Variants in STMND1 observed in about 807,000 individuals in gnomAD.
The protein encoded by STMND1 is stathmin domain-containing protein 1.
A neutral mutation model predicts 23.0 loss-of-function variants in STMND1; 17 were observed. The ratio of observed to expected loss-of-function variants is 0.74; its 90% confidence interval spans 0.51 to 1.11. The LOEUF is 1.11. Ranked by LOEUF, STMND1 falls within the 50% of genes least tolerant of loss-of-function variation. STMND1 has a pLI of 0.00. For missense variants in STMND1, 305 were observed against 329.1 expected (o/e 0.93, Z 0.57); for synonymous variants, 114 against 119.9 (o/e 0.95, Z 0.32).
At chr6:17,126,064 ATATATATTTTTTTTTT>A (rs1288035353) in intron 3 of STMND1, among the ~76,000 whole-genome samples, 8 of 23,714 alleles carry the variant, frequency 3.4e-4, no homozygotes, top group South Asian at 2.8e-3. Context: ...ATATATATAT[ATATATATTTTTTTTTT>A]TTTTTTTTTT....
intron 1 of STMND1, among the ~76,000 whole-genome samples, chr6:17,114,521 C>A (rs1057264986): frequency 7.9e-5 from 12 of 152,212 alleles, no homozygotes; most frequent in African/African-American, 2.9e-4. Context: ...CCGCCTCAGC[C>A]TCCCAAAGTG....
chr6:17,121,713 A>G (rs1344873459), intron 3 of STMND1, among the ~76,000 whole-genome samples: 1 of 152,188 alleles, frequency 6.6e-6, no homozygotes, highest in African/African-American at 2.4e-5. Context: ...CCCAAAATCA[A>G]ACATGAGGAA....
Position 17,130,682 on chromosome 6 carries a change from C to T in STMND1, c.632C>T (p.Ala211Val), listed in dbSNP as rs1761379256. Residue 211 changes from alanine (A) to valine (V), a missense_variant, in exon 5 of 5, where the codon GCC becomes GTC. Physicochemically the swap from Ala to Val is moderately conservative, Grantham distance 64. Transcript: ENST00000536551. ...TCAGATTCAGCTGAATTAGATGGGG[C>T]CGAGGTTGCATTTGCCAAAGGACTT... ...NHSDSAELDG[A>V]EVAFAKGLQR... 1.3e-6 allele frequency: 2 copies of T among 1,535,862 alleles called. No homozygotes were observed. Among genetic ancestry groups the T allele is most frequent in the African/African-American group, 2.7e-5 (2 of 72,998 alleles).
intron 3 of STMND1, among the ~76,000 whole-genome samples, chr6:17,126,038 A>T (rs868540985): frequency 1.7e-3 from 39 of 22,822 alleles, no homozygotes; most frequent in African/African-American, 1.0e-2. Context: ...ATTGTTTTAT[A>T]TATATATATA....
chr6:17,125,454 A>C (rs1464803079), intron 3 of STMND1, among the ~76,000 whole-genome samples: 2 of 152,158 alleles, frequency 1.3e-5, no homozygotes, highest in Non-Finnish European at 2.9e-5. Context: ...GGGTCTCCCT[A>C]CCTGAGGCTC....
At position 17,115,119 on chromosome 6, in the gene STMND1, G is replaced by T. The variant is rs751437630; in HGVS notation, c.239G>T (p.Arg80Ile). 3 of 1,534,816 alleles carry T rather than the reference G, an allele frequency of 2.0e-6. No individual in the cohort carries two copies. The African/African-American group carries it at 4.1e-5, about 21-fold the overall frequency. Residue 80 changes from arginine (R) to isoleucine (I), a missense_variant, in exon 2 of 5, where the codon AGA becomes ATA. Arg to Ile is a moderately conservative substitution (Grantham distance 97, BLOSUM62 -3). Transcript: ENST00000536551. ...GAAAATTCTCCATCTCCTAGTGAAA[G>T]AAACAGACGAGTAAATTCAGGTAAC... ...ISENSPSPSE[R>I]NRRVNSDLVT...
At chr6:17,103,611 A>T (rs1760974489) in intron 1 of STMND1, among the ~76,000 whole-genome samples, 1 of 116,604 alleles carries the variant, frequency 8.6e-6, no homozygotes, top group East Asian at 2.6e-4. Context: ...TTGCTCTGTC[A>T]CCCAGGCTGG....
intron 2 of STMND1, among the ~76,000 whole-genome samples, chr6:17,118,682 C>T: frequency 6.6e-6 from 1 of 152,124 alleles, no homozygotes. Context: ...CTTTTAGAAA[C>T]ATCCTGGGAG....
chr6:17,120,009 A>C (rs12203596), intron 2 of STMND1, among the ~76,000 whole-genome samples: 45,948 of 152,148 alleles, frequency 0.3, 7,141 homozygotes, highest in Middle Eastern at 0.34. Context: ...AAACTGTTTC[A>C]GTGCTCATTT....
chr6:17,106,737 G>A (rs954320432), intron 1 of STMND1, among the ~76,000 whole-genome samples: 7 of 152,076 alleles, frequency 4.6e-5, no homozygotes, highest in Non-Finnish European at 8.8e-5. Context: ...AAATGAACGT[G>A]TTTGCTTGCA....
Position 17,102,301 on chromosome 6 carries a change from T to A in STMND1, c.44T>A (p.Val15Glu). 6.5e-7 allele frequency: 1 copy of A among 1,535,990 alleles called. No individual in the cohort carries two copies. The highest frequency in any genetic ancestry group is 2.4e-5 in the East Asian group (1 of 40,884). ...PSQPAEDRRR[V>E]RAPKKGWKEE... ...CAACCTGCTGAAGACCGGAGACGTG[T>A]ACGCGCGCCCAAGAAGGGCTGGAAA... Residue 15 changes from valine to glutamate, a missense_variant, in exon 1 of 5, where the codon GTA becomes GAA. Coordinates refer to ENST00000536551, the MANE Select transcript of STMND1 (RefSeq NM_001190766.2).
At chr6:17,102,823 C>A (rs1342561271) in intron 1 of STMND1, among the ~76,000 whole-genome samples, 2 of 152,128 alleles carry the variant, frequency 1.3e-5, no homozygotes, top group East Asian at 3.9e-4. Flanking sequence ...TATCTGGTTG[C>A]GTCCTCTCGA....
intron 3 of STMND1, among the ~76,000 whole-genome samples, chr6:17,122,787 C>T (rs975791757): frequency 1.1e-4 from 17 of 151,936 alleles, no homozygotes; most frequent in African/African-American, 4.1e-4. Context: ...ATAATGCCAA[C>T]ATAATGACAA....
chr6:17,112,573 T>C (rs1761108253), intron 1 of STMND1, among the ~76,000 whole-genome samples: 2 of 151,898 alleles, frequency 1.3e-5, no homozygotes, highest in Non-Finnish European at 2.9e-5. Flanking sequence ...GTCAGCAGAT[T>C]GAGACCATCC....
intron 4 of STMND1, 74 bp from the exon 5 acceptor site, chr6:17,130,520 A>G: frequency 1.7e-6 from 2 of 1,157,620 alleles, no homozygotes; most frequent in Non-Finnish European, 2.4e-6. Context: ...ATGAATGTTC[A>G]ATACAAGCAA....
At chr6:17,111,162 G>C (rs9477324) in intron 1 of STMND1, among the ~76,000 whole-genome samples, 1 of 151,898 alleles carries the variant, frequency 6.6e-6, no homozygotes, top group Non-Finnish European at 1.5e-5. Flanking sequence ...GCATTTTGTC[G>C]TCAGTGGTTT....
At position 17,108,696 on chromosome 6, in the gene STMND1, C is replaced by CTTTTTCTTT. The variant is rs1761057430; in HGVS notation, c.82-6261_82-6260insCTTTTTTTT. On this transcript the variant is annotated intron_variant, in intron 1 of 4. Coordinates refer to ENST00000536551, the MANE Select transcript of STMND1 (RefSeq NM_001190766.2). The stretch of plus-strand genomic sequence containing the variant: ...TCTCCTTCCTGTTCTTTTTCTTTTT[C>CTTTTTCTTT]TTTTTTTTTTTTTTGAGATGGAGAT... Among the ~76,000 whole-genome samples, 5 of 138,736 alleles carry CTTTTTCTTT rather than the reference C, an allele frequency of 3.6e-5. No individual in the cohort carries two copies. In the Admixed American group the frequency reaches 3.7e-4, roughly 10 times the overall value. The allele number at this position is 138,736 out of a possible 152,430, so 91.0% of individuals were successfully genotyped here.
At chr6:17,112,988 A>G (rs6459520) in intron 1 of STMND1, among the ~76,000 whole-genome samples, 81,472 of 151,872 alleles carry the variant, frequency 0.54, 22,106 homozygotes, top group Middle Eastern at 0.7. Context: ...GTGGTATCTC[A>G]CTGTAGTTTT....
intron 2 of STMND1, among the ~76,000 whole-genome samples, 172 bp from the exon 3 acceptor site, chr6:17,120,435 T>C (rs1416549388): frequency 6.6e-6 from 1 of 152,120 alleles, no homozygotes; most frequent in Non-Finnish European, 1.5e-5. Context: ...TGTAAGAAAA[T>C]GAATAATTTG....
Sources: allele counts gnomAD v4.1 joint callset (sites outside exome capture counted in the v4.1 genomes callset), GRCh38; gene constraint gnomAD v4.1.1; transcripts MANE v1.5; gene names NCBI Gene and HGNC (gene_info 2026-07-23, HGNC 2026-07-21).